The following MPP1 variants were observed in gnomAD, a reference collection of about 807,000 sequenced individuals.
MPP1 encodes 55 kDa erythrocyte membrane protein.
A neutral mutation model predicts 38.2 loss-of-function variants in MPP1; 6 were observed. That is an observed-to-expected ratio of 0.16 (90% CI 0.09 to 0.31). The LOEUF is 0.31. Ranked by LOEUF, MPP1 falls within the 10% of genes least tolerant of loss-of-function variation. The probability of loss-of-function intolerance (pLI) is 1.00; values close to 1 mark genes in which losing one functional copy is unlikely to be tolerated. For missense variants in MPP1, 293 were observed against 368.9 expected (o/e 0.79, Z 1.69); for synonymous variants, 153 against 146.3 (o/e 1.05, Z -0.33).
At chrX:154,791,416 T>C (rs1327266052) in intron 3 of MPP1, among the ~76,000 whole-genome samples, 1 of 112,443 alleles carries the variant, frequency 8.9e-6, no homozygotes, top group Non-Finnish European at 1.9e-5. Context: ...TGTTTCTTTG[T>C]TGTTTAGCTC....
chrX:154,795,695 G>A (rs2072187319), intron 1 of MPP1, among the ~76,000 whole-genome samples: 1 of 111,678 alleles, frequency 9.0e-6, no homozygotes, highest in Non-Finnish European at 1.9e-5. Flanking sequence ...AGCCCGGGAG[G>A]TCAAGGCTGC....
At chrX:154,796,467 A>G (rs2072199570) in intron 1 of MPP1, among the ~76,000 whole-genome samples, 1 of 111,707 alleles carries the variant, frequency 9.0e-6, no homozygotes, top group South Asian at 3.7e-4. Flanking sequence ...CAGAAAGCAG[A>G]TGGAGGAATG....
intron 3 of MPP1, among the ~76,000 whole-genome samples, chrX:154,791,452 A>G (rs1393853730): frequency 8.9e-6 from 1 of 112,568 alleles, no homozygotes; most frequent in Non-Finnish European, 1.9e-5. Flanking sequence ...ACCAAGTGGT[A>G]CTGCTGTCCT....
chrX:154,790,145 A>C (rs2072124344), intron 4 of MPP1, 123 bp from the exon 5 acceptor site: 1 of 448,654 alleles, frequency 2.2e-6, no homozygotes, highest in Admixed American at 3.9e-5. Context: ...TTGTAGGACA[A>C]TTCCTCCTTT....
chrX:154,785,729 C>T (rs2072064708), intron 6 of MPP1, among the ~76,000 whole-genome samples: 1 of 112,200 alleles, frequency 8.9e-6, no homozygotes, highest in Non-Finnish European at 1.9e-5. Context: ...ATTTTTCTGC[C>T]ATTCCTATGA....
Position 154,804,506 on chromosome X carries a change from TG to T in MPP1, c.102+765del, listed in dbSNP as rs1184490691. Among the ~76,000 whole-genome samples the T allele has an allele frequency of 8.1e-5, 9 of 111,486 alleles. No individual in the cohort carries two copies. In the Admixed American group the frequency reaches 8.6e-4, roughly 11 times the overall value. ...AGACCAAGCCACAGGGAGAGGCTGCTGGTTGATTTTCTGGCTCATGGCTCAT... is the reference window on the plus strand; with the variant it reads ...AGACCAAGCCACAGGGAGAGGCTGCTGTTGATTTTCTGGCTCATGGCTCAT... On this transcript the variant is annotated intron_variant, in intron 1 of 11. Transcript: ENST00000369534.
At chrX:154,781,387 TA>T in intron 10 of MPP1, 74 bp from the exon 11 acceptor site, 2 of 876,656 alleles carry the variant, frequency 2.3e-6, no homozygotes, top group South Asian at 4.4e-5. Flanking sequence ...AAAACCTACA[TA>T]GCTGTCATAA....
chrX:154,791,953 C>G, intron 2 of MPP1, 106 bp from the exon 3 acceptor site: 1 of 940,367 alleles, frequency 1.1e-6, no homozygotes, highest in Non-Finnish European at 1.5e-6. Context: ...CCATTTATAC[C>G]CAGGATAGTC....
chrX:154,791,930 A>G, intron 2 of MPP1, 83 bp from the exon 3 acceptor site: 1 of 1,042,317 alleles, frequency 9.6e-7, no homozygotes, highest in Non-Finnish European at 1.3e-6. Flanking sequence ...GTAATTTCTC[A>G]GGAAAATATT....
At position 154,785,037 on chromosome X, in the gene MPP1, C is replaced by T. The variant is rs1385471149; in HGVS notation, c.784+14G>A. On this transcript the variant is annotated intron_variant, in intron 7 of 11. Coordinates refer to ENST00000369534, the MANE Select transcript of MPP1 (RefSeq NM_002436.4). ...CTGCCAGGAACCTGGGGCAAGAAGGCTCAGAAAGCTTACTCGAGCTGTGCT... is the reference window on the plus strand; with the variant it reads ...CTGCCAGGAACCTGGGGCAAGAAGGTTCAGAAAGCTTACTCGAGCTGTGCT... 3.3e-6 allele frequency: 4 copies of T among 1,203,772 alleles called. No individual in the cohort carries two copies. The African/African-American group carries it at 6.9e-5, about 21-fold the overall frequency.
Position 154,784,070 on chromosome X carries a change from C to CGACTTCCT in MPP1, c.815_822dup (p.Val275ArgfsTer16). 1 of 1,209,950 alleles carries CGACTTCCT rather than the reference C, an allele frequency of 8.3e-7. No individual in the cohort carries two copies. Among genetic ancestry groups the CGACTTCCT allele is most frequent in the Non-Finnish European group, 1.1e-6 (1 of 894,679 alleles). On this transcript the variant is annotated frameshift_variant, in exon 8 of 12. Coordinates refer to ENST00000369534, the MANE Select transcript of MPP1 (RefSeq NM_002436.4). LOFTEE classifies it high-confidence loss of function. ...TTCCTCTTGAATGCAGGGAGCCGAA[C>CGACTTCCT]GACTTCCTCGTAGGAAACAACATCC... is the stretch of plus-strand genomic sequence containing the variant.
rs1557266992 is a variant in MPP1, at chrX:154,784,713, A to T, written c.784+338T>A. The T allele has an allele frequency of 9.7e-6, 3 of 308,511 alleles. No homozygotes were observed. In the South Asian group the frequency reaches 1.0e-4, roughly 11 times the overall value. The allele number at this position is 308,511 out of a possible 1,213,427, so 25.4% of individuals were successfully genotyped here. Reference sequence around the variant, plus strand: ...TAGTGCAAAATTTAAAACGCTAGGGAGGGTGCACGAAGCTCCCTATGACCT... The same window carrying T: ...TAGTGCAAAATTTAAAACGCTAGGGTGGGTGCACGAAGCTCCCTATGACCT... On this transcript the variant is annotated intron_variant, in intron 7 of 11. Coordinates refer to ENST00000369534, the MANE Select transcript of MPP1 (RefSeq NM_002436.4).
intron 6 of MPP1, 93 bp from the exon 7 acceptor site, chrX:154,785,250 C>G (rs2072058903): frequency 1.7e-6 from 1 of 605,327 alleles, no homozygotes; most frequent in Non-Finnish European, 2.5e-6. Flanking sequence ...CCCCTTCACT[C>G]TCTGAGTGTC....
intron 1 of MPP1, among the ~76,000 whole-genome samples, chrX:154,802,239 T>G (rs2072275872): frequency 8.9e-6 from 1 of 112,616 alleles, no homozygotes; most frequent in Non-Finnish European, 1.9e-5. Context: ...CAGCTGCTTC[T>G]ATCACATCAC....
At chrX:154,786,469 G>A in intron 5 of MPP1, 69 bp from the exon 6 acceptor site, 1 of 1,000,103 alleles carries the variant, frequency 1.0e-6, no homozygotes, top group Non-Finnish European at 1.4e-6. Flanking sequence ...AGCATGTCCT[G>A]CTGTAGACAA....
chrX:154,790,302 T>G (rs1190628444), intron 4 of MPP1, among the ~76,000 whole-genome samples: 1 of 110,698 alleles, frequency 9.0e-6, no homozygotes, highest in Non-Finnish European at 1.9e-5. Context: ...GAGGCTGAGG[T>G]GGGCGCATCG....
At chrX:154,799,913 G>A in intron 1 of MPP1, 2 of 1,036,172 alleles carry the variant, frequency 1.9e-6, no homozygotes, top group Non-Finnish European at 1.3e-6. Context: ...AAAAAGAGAT[G>A]AAAAACAAAC....
Position 154,781,271 on chromosome X carries a change from C to G in MPP1, c.1192G>C (p.Val398Leu), listed in dbSNP as rs781995990. The part of the protein sequence containing the change: ...VRTAELSPFI[V>L]FIAPTDQGTQ... Reference sequence around the variant, plus strand: ...CCCTGGTCAGTAGGTGCAATGAACACAATGAAAGGCGAAAGTTCTGCTGTC... The same window carrying G: ...CCCTGGTCAGTAGGTGCAATGAACAGAATGAAAGGCGAAAGTTCTGCTGTC... Residue 398 changes from valine to leucine, a missense_variant, in exon 11 of 12, where the codon GTG becomes CTG. Physicochemically the swap from Val to Leu is conservative, Grantham distance 32. Coordinates refer to ENST00000369534, the MANE Select transcript of MPP1 (RefSeq NM_002436.4). The G allele has an allele frequency of 2.5e-6, 3 of 1,191,412 alleles. No homozygotes were observed. In the South Asian group the frequency reaches 5.3e-5, roughly 21 times the overall value.
At chrX:154,780,789 C>G (rs1557266490) in intron 11 of MPP1, among the ~76,000 whole-genome samples, 1 of 112,813 alleles carries the variant, frequency 8.9e-6, no homozygotes, top group African/African-American at 3.2e-5. Flanking sequence ...AAGCACAGTG[C>G]AGCAAAGTGC....
Sources: gnomAD v4.1 joint callset for allele counts (sites outside exome capture counted in the v4.1 genomes callset) on GRCh38, gnomAD v4.1.1 for gene constraint, MANE v1.5 for transcripts, NCBI Gene and HGNC (gene_info 2026-07-23, HGNC 2026-07-21) for gene names.